Variants in FAT3 observed in about 807,000 individuals in gnomAD.
The protein encoded by FAT3 is FAT atypical cadherin 3, also known as protocadherin Fat 3.
A neutral mutation model predicts 310.2 loss-of-function variants in FAT3; 95 were observed. The ratio of observed to expected loss-of-function variants is 0.31; its 90% CI spans 0.26 to 0.36. The LOEUF is 0.36. FAT3 is among the 10% of genes least tolerant of loss of function. The pLI, the probability that FAT3 is intolerant of heterozygous loss-of-function variation, is 1.00. For missense variants in FAT3, 5,408 were observed against 5,715.6 expected (o/e 0.95, Z 1.74); for synonymous variants, 2,314 against 2,192.9 (o/e 1.06, Z -1.54).
intron 2 of FAT3, among the ~76,000 whole-genome samples, chr11:92,481,430 A>G (rs548437283): frequency 6.6e-6 from 1 of 152,288 alleles, no homozygotes; most frequent in African/African-American, 2.4e-5. Context: ...CATAAATTCA[A>G]GAAAATAGAG....
At position 92,639,994 on chromosome 11, in the gene FAT3, A is replaced by G. The variant is rs80161660; in HGVS notation, c.3608-57390A>G. Among the ~76,000 whole-genome samples the G allele has an allele frequency of 7.5e-3, 1,141 of 152,302 alleles. 15 individuals carry two copies. The highest frequency in any genetic ancestry group is 0.026 in the African/African-American group (1,077 of 41,562). Reference sequence around the variant, plus strand: ...TGCCACCTCCATATCGTTCCTCCTCAGAACATCGATTTCCCCTACTGTCCT... The same window carrying G: ...TGCCACCTCCATATCGTTCCTCCTCGGAACATCGATTTCCCCTACTGTCCT... On this transcript the variant is annotated intron_variant, in intron 3 of 27. Transcript: ENST00000525166.
chr11:92,551,938 G>A (rs1954835434), intron 3 of FAT3, among the ~76,000 whole-genome samples: 1 of 152,278 alleles, frequency 6.6e-6, no homozygotes, highest in African/African-American at 2.4e-5. Context: ...CCTGCCTTTG[G>A]TATGCTCAGA....
intron 2 of FAT3, among the ~76,000 whole-genome samples, chr11:92,522,540 A>G (rs1326796294): frequency 6.6e-6 from 1 of 152,168 alleles, no homozygotes; most frequent in Non-Finnish European, 1.5e-5. Context: ...AAATTCCTAC[A>G]GGAAAAACCA....
At chr11:92,397,487 T>C in intron 2 of FAT3, among the ~76,000 whole-genome samples, 1 of 152,162 alleles carries the variant, frequency 6.6e-6, no homozygotes, top group East Asian at 1.9e-4. Flanking sequence ...TCACATAGTT[T>C]CTTTTGAAGC....
intron 2 of FAT3, among the ~76,000 whole-genome samples, chr11:92,503,847 C>T (rs1953019399): frequency 6.6e-6 from 1 of 151,992 alleles, no homozygotes; most frequent in African/African-American, 2.4e-5. Context: ...TTCTCTATAC[C>T]TTAGATGGAT....
In FAT3 at chr11:92,432,979, G is replaced by A. The variant is rs148695022; in HGVS notation, c.3292+77575G>A. On this transcript the variant is annotated intron_variant, in intron 2 of 27. Coordinates refer to ENST00000525166, the MANE Select transcript of FAT3 (RefSeq NM_001367949.2). ...GGCAGTCTGGCTACAGAGGCTTTGC[G>A]GCACTACGTTGGGCTCTGTCCAGTC... Among the ~76,000 whole-genome samples, 1,196 of 152,248 alleles carry A rather than the reference G, an allele frequency of 7.9e-3. 21 individuals carry two copies. The highest frequency in any genetic ancestry group is 0.028 in the African/African-American group (1,145 of 41,558).
chr11:92,851,124 GC>G (rs1323355301), intron 19 of FAT3, among the ~76,000 whole-genome samples: 1 of 152,138 alleles, frequency 6.6e-6, no homozygotes, highest in Non-Finnish European at 1.5e-5. Flanking sequence ...TGAGTAACAA[GC>G]CCCAGGCTTT....
chr11:92,541,666 A>G (rs1311347054), intron 3 of FAT3, among the ~76,000 whole-genome samples: 1 of 152,162 alleles, frequency 6.6e-6, no homozygotes, highest in East Asian at 1.9e-4. Flanking sequence ...GGTCTTAAAC[A>G]TTAACTGAAA....
intron 3 of FAT3, among the ~76,000 whole-genome samples, chr11:92,661,204 G>A (rs1001808541): frequency 2.6e-5 from 4 of 152,208 alleles, no homozygotes; most frequent in Non-Finnish European, 5.9e-5. Flanking sequence ...TTCCAGGGAA[G>A]GCCCATGTGG....
At chr11:92,493,829 A>G (rs373494778) in intron 2 of FAT3, among the ~76,000 whole-genome samples, 4 of 152,128 alleles carry the variant, frequency 2.6e-5, no homozygotes, top group African/African-American at 4.8e-5. Context: ...ACTTCATTCT[A>G]TTAGTACCCC....
intron 2 of FAT3, among the ~76,000 whole-genome samples, chr11:92,517,258 A>G (rs1184972568): frequency 1.3e-5 from 2 of 152,226 alleles, no homozygotes. Context: ...TAACCAAAAC[A>G]GCATGGTACT....
chr11:92,848,646 A>G (rs767435407), intron 19 of FAT3, among the ~76,000 whole-genome samples: 5 of 152,260 alleles, frequency 3.3e-5, no homozygotes, highest in Non-Finnish European at 5.9e-5. Context: ...GAAGAAGTGG[A>G]TGCCTGATTT....
chr11:92,694,642 A>G lies in FAT3; in HGVS notation c.3608-2742A>G, dbSNP rs368044222. On this transcript the variant is annotated intron_variant, in intron 3 of 27. Transcript: ENST00000525166. ...AGCCACACCACAATGGGCTGTGGCC[A>G]TGTGACCCTGGGCAAGGAGCACCTG... 4.6e-5 allele frequency among the ~76,000 whole-genome samples: 7 copies of G among 152,296 alleles called. No individual in the cohort carries two copies. The South Asian group carries it at 6.2e-4, about 14-fold the overall frequency.
At chr11:92,461,274 A>G (rs72972462) in intron 2 of FAT3, among the ~76,000 whole-genome samples, 4,857 of 152,086 alleles carry the variant, frequency 0.032, 87 homozygotes, top group African/African-American at 0.036. Context: ...TCTGCTGCCT[A>G]TCACACTCTC....
chr11:92,666,373 A>G (rs1015706052), intron 3 of FAT3, among the ~76,000 whole-genome samples: 4 of 141,830 alleles, frequency 2.8e-5, no homozygotes, highest in Admixed American at 1.4e-4. Flanking sequence ...TTTTTTTGAG[A>G]CGGAATCTCG....
intron 3 of FAT3, among the ~76,000 whole-genome samples, chr11:92,610,287 A>T (rs913963609): frequency 6.6e-6 from 1 of 152,184 alleles, no homozygotes; most frequent in Non-Finnish European, 1.5e-5. Context: ...TTTCTTAAGG[A>T]CATTTATTTC....
At chr11:92,612,316 C>T (rs773976365) in intron 3 of FAT3, among the ~76,000 whole-genome samples, 1 of 152,074 alleles carries the variant, frequency 6.6e-6, no homozygotes, top group Non-Finnish European at 1.5e-5. Flanking sequence ...GGGCCCATGC[C>T]CAATAATGAG....
chr11:92,251,718 G>T (rs1350108735), intron 1 of FAT3, among the ~76,000 whole-genome samples: 1 of 136,974 alleles, frequency 7.3e-6, no homozygotes, highest in Non-Finnish European at 1.6e-5. Context: ...TAAGAAATTT[G>T]AGTGCCTACT....
At chr11:92,249,557 C>A (rs998235343) in intron 1 of FAT3, among the ~76,000 whole-genome samples, 1 of 152,020 alleles carries the variant, frequency 6.6e-6, no homozygotes, top group African/African-American at 2.4e-5. Context: ...GTTCATAAAT[C>A]ACCCTCTTTT....
Sources: gnomAD v4.1 joint callset for allele counts (sites outside exome capture counted in the v4.1 genomes callset) on GRCh38, gnomAD v4.1.1 for gene constraint, MANE v1.5 for transcripts, NCBI Gene and HGNC (gene_info 2026-07-23, HGNC 2026-07-21) for gene names.